Variants in BMPER observed in about 807,000 individuals in gnomAD.
The protein encoded by BMPER is BMP binding endothelial regulator.
Under a neutral mutation model 87.3 loss-of-function variants are expected in BMPER, and 45 were observed. The ratio of observed to expected loss-of-function variants is 0.52; its 90% CI spans 0.41 to 0.66. The LOEUF (loss-of-function observed/expected upper bound fraction) is 0.66. BMPER is among the 30% of genes least tolerant of loss of function. The probability of loss-of-function intolerance (pLI) is 0.00; values close to 1 mark genes in which losing one functional copy is unlikely to be tolerated. For missense variants in BMPER, 784 were observed against 867.5 expected, an observed-to-expected ratio of 0.90 and a Z score of 1.21; for synonymous variants, 326 against 316.2, an observed-to-expected ratio of 1.03 and a Z score of -0.33.
At chr7:34,124,175 C>T (rs34427894) in intron 13 of BMPER, among the ~76,000 whole-genome samples, 25,998 of 152,068 alleles carry the variant, frequency 0.17, 2,412 homozygotes, top group Non-Finnish European at 0.2. Context: ...TTTTCTGTTT[C>T]CCAACTGCTC....
chr7:33,977,978 A>C (rs1785732728), intron 6 of BMPER, among the ~76,000 whole-genome samples: 1 of 152,166 alleles, frequency 6.6e-6, no homozygotes, highest in African/African-American at 2.4e-5. Context: ...AAGGATGAAG[A>C]AGCAGCCAGT....
intron 2 of BMPER, among the ~76,000 whole-genome samples, chr7:33,935,620 AAGAGAG>A (rs371168169): frequency 6.7e-6 from 1 of 149,662 alleles, no homozygotes; most frequent in African/African-American, 2.4e-5. Flanking sequence ...GAGAAGGAGA[AAGAGAG>A]AGAGAGAGAG....
At chr7:33,936,387 G>C (rs528238334) in intron 2 of BMPER, among the ~76,000 whole-genome samples, 1 of 152,180 alleles carries the variant, frequency 6.6e-6, no homozygotes, top group East Asian at 1.9e-4. Context: ...TGGAAAGCTG[G>C]GTAATCTTGG....
chr7:34,153,394 A>ACACATATATACTC lies in BMPER; in HGVS notation c.*121_*122insCACATATATACTC. On this transcript the variant is annotated 3_prime_UTR_variant, in exon 15 of 15. Transcript: ENST00000649409. ...GTAAACACACACACACAGAGTATAT[A>ACACATATATACTC]TGTGTATATATATATAGATATATTC... The ACACATATATACTC allele has an allele frequency of 1.2e-6, 1 of 862,420 alleles. No individual in the cohort carries two copies. Among genetic ancestry groups the ACACATATATACTC allele is most frequent in the Non-Finnish European group, 1.9e-6 (1 of 533,668 alleles). The allele number at this position is 862,420 out of a possible 1,614,324, so 53.4% of individuals were successfully genotyped here. A position where few individuals can be genotyped will look rare whatever the true frequency, so the allele number is the denominator to read the frequency against.
chr7:33,923,381 C>T (rs570240686), intron 2 of BMPER, among the ~76,000 whole-genome samples: 1 of 152,190 alleles, frequency 6.6e-6, no homozygotes, highest in East Asian at 1.9e-4. Context: ...TGGGTCTGTG[C>T]CCTCTTCTGT....
chr7:33,966,641 C>T, intron 4 of BMPER, 80 bp downstream of exon 4: 3 of 1,375,982 alleles, frequency 2.2e-6, no homozygotes, highest in Non-Finnish European at 3.1e-6. Flanking sequence ...CAACATAGAA[C>T]AAAACCCTAA....
intron 9 of BMPER, among the ~76,000 whole-genome samples, chr7:34,057,474 A>C (rs965685892): frequency 2.6e-5 from 4 of 152,150 alleles, no homozygotes; most frequent in Non-Finnish European, 5.9e-5. Context: ...TATCCATGGC[A>C]CTTGGAGTCT....
rs1381799825 is a variant in BMPER, at chr7:33,966,483, C to T, written c.324C>T (p.Cys108=). The T allele has an allele frequency of 6.2e-7, 1 of 1,613,356 alleles. No homozygotes were observed. Among genetic ancestry groups the T allele is most frequent in the Admixed American group, 1.7e-5 (1 of 60,010 alleles). ...GCTTCTGTGTCTCCTGTCTAGGTTG[C>T]ACCTATGAAGGAAATACCTATAACA... ...RGACCEQCKG[C]TYEGNTYNSS... The change falls in exon 4 of 15, where the codon TGC becomes TGT. Residue 108 remains cysteine (C), a synonymous_variant. Coordinates refer to ENST00000649409, the MANE Select transcript of BMPER (RefSeq NM_001365308.1).
At chr7:34,007,489 C>T (rs980596233) in intron 6 of BMPER, among the ~76,000 whole-genome samples, 1 of 151,886 alleles carries the variant, frequency 6.6e-6, no homozygotes, top group Non-Finnish European at 1.5e-5. Context: ...ACAGATGGTC[C>T]ATGCATTTAC....
At chr7:33,988,209 G>A (rs542983874) in intron 6 of BMPER, among the ~76,000 whole-genome samples, 9 of 152,246 alleles carry the variant, frequency 5.9e-5, no homozygotes, top group African/African-American at 1.7e-4. Flanking sequence ...TTCCCCACCA[G>A]TTGGGGTGAT....
intron 3 of BMPER, among the ~76,000 whole-genome samples, chr7:33,964,569 T>G (rs1785357069): frequency 6.6e-6 from 1 of 152,212 alleles, no homozygotes; most frequent in South Asian, 2.1e-4. Context: ...CAGAAAACAC[T>G]GTTGGGTTCC....
At chr7:34,047,014 T>A (rs923992129) in intron 7 of BMPER, among the ~76,000 whole-genome samples, 1 of 151,970 alleles carries the variant, frequency 6.6e-6, no homozygotes, top group African/African-American at 2.4e-5. Context: ...GAAGGTGCTA[T>A]TATTAATTTT....
At chr7:34,019,093 G>A (rs945792305) in intron 6 of BMPER, among the ~76,000 whole-genome samples, 1 of 151,978 alleles carries the variant, frequency 6.6e-6, no homozygotes, top group African/African-American at 2.4e-5. Context: ...TTACTCCCTG[G>A]AAGATGATGA....
At chr7:33,965,608 A>G (rs1362249724) in intron 3 of BMPER, among the ~76,000 whole-genome samples, 3 of 152,182 alleles carry the variant, frequency 2.0e-5, no homozygotes, top group Non-Finnish European at 4.4e-5. Flanking sequence ...CAGACTATGT[A>G]TTGGTAAATC....
intron 13 of BMPER, among the ~76,000 whole-genome samples, chr7:34,142,840 G>A (rs1790908685): frequency 6.6e-6 from 1 of 152,194 alleles, no homozygotes; most frequent in South Asian, 2.1e-4. Flanking sequence ...TAGCCATTAG[G>A]CGCATTGGGC....
At chr7:34,025,819 C>A (rs73329129) in intron 6 of BMPER, among the ~76,000 whole-genome samples, 1 of 151,926 alleles carries the variant, frequency 6.6e-6, no homozygotes, top group Admixed American at 6.6e-5. Context: ...AAAGGACAAG[C>A]GCTGGATATA....
intron 6 of BMPER, among the ~76,000 whole-genome samples, chr7:34,010,046 A>G (rs1336612453): frequency 6.6e-6 from 1 of 151,884 alleles, no homozygotes; most frequent in Non-Finnish European, 1.5e-5. Context: ...CTAGCTCCAA[A>G]TACTTTTATT....
Position 34,058,191 on chromosome 7 carries a change from C to A in BMPER, c.1032+28C>A, listed in dbSNP as rs189655452. 4.9e-3 allele frequency: 7,806 copies of A among 1,594,614 alleles called. 37 individuals are homozygous for A. The highest frequency in any genetic ancestry group is 6.0e-3 in the Non-Finnish European group (7,016 of 1,162,734). On this transcript the variant is annotated intron_variant, in intron 10 of 14. Transcript: ENST00000649409. ...ATGTTTGGAACACAGATTGACTTTACCTTAGCGTCTTGAGAAATGTCCTGT... is the reference window on the plus strand; with the variant it reads ...ATGTTTGGAACACAGATTGACTTTAACTTAGCGTCTTGAGAAATGTCCTGT...
intron 14 of BMPER, among the ~76,000 whole-genome samples, chr7:34,146,552 T>C (rs1004103485): frequency 2.6e-5 from 4 of 152,174 alleles, no homozygotes; most frequent in African/African-American, 9.7e-5. Context: ...GCACTTCCTT[T>C]CCCCCAAGGA....
Sources: allele counts gnomAD v4.1 joint callset (sites outside exome capture counted in the v4.1 genomes callset), GRCh38; gene constraint gnomAD v4.1.1; transcripts MANE v1.5; gene names NCBI Gene and HGNC (gene_info 2026-07-23, HGNC 2026-07-21).